The following LIN52 variants were observed in gnomAD, a reference collection of about 807,000 sequenced individuals.
LIN52 encodes the protein protein lin-52 homolog.
In LIN52, 4 loss-of-function variants were observed where a neutral mutation model predicts 18.5. That is an observed-to-expected ratio of 0.22 (90% CI 0.11 to 0.49). LIN52 has a LOEUF of 0.49. Ranked by LOEUF, LIN52 falls within the 20% of genes least tolerant of loss-of-function variation. The pLI is 0.97. For missense variants in LIN52, 102 were observed against 139.5 expected (o/e 0.73, Z 1.35); for synonymous variants, 34 against 45.5 (o/e 0.75, Z 1.02).
intron 5 of LIN52, 119 bp from the exon 6 acceptor site, chr14:74,198,803 T>G (rs545297086): frequency 1.3e-6 from 1 of 749,558 alleles, no homozygotes; most frequent in Non-Finnish European, 2.3e-6. Context: ...ATTGAATCTG[T>G]TGTGATAGCA....
chr14:74,101,279 C>A, intron 5 of LIN52, 41 bp downstream of exon 5: 1 of 1,443,166 alleles, frequency 6.9e-7, no homozygotes, highest in Non-Finnish European at 9.5e-7. Context: ...TGTATTCCAC[C>A]CTGAGCTGTG....
At chr14:74,133,197 T>C (rs751084999) in intron 5 of LIN52, among the ~76,000 whole-genome samples, 5 of 152,250 alleles carry the variant, frequency 3.3e-5, no homozygotes, top group Non-Finnish European at 7.3e-5. Context: ...TGTTCTACAT[T>C]TCTGCTTTGC....
chr14:74,113,715 T>C (rs2060945125), intron 5 of LIN52, among the ~76,000 whole-genome samples: 1 of 152,180 alleles, frequency 6.6e-6, no homozygotes. Context: ...GTGTGTGTTG[T>C]AGATGGTTTG....
chr14:74,180,247 A>G (rs1247691042), intron 5 of LIN52, among the ~76,000 whole-genome samples: 1 of 148,994 alleles, frequency 6.7e-6, no homozygotes, highest in Non-Finnish European at 1.5e-5. Flanking sequence ...TAAGCGCTCA[A>G]AGGAGGGAGG....
intron 5 of LIN52, among the ~76,000 whole-genome samples, chr14:74,170,906 G>C (rs767989338): frequency 4.6e-5 from 7 of 151,288 alleles, no homozygotes; most frequent in African/African-American, 1.7e-4. Context: ...ATGATCCCAG[G>C]CATGGTGGTT....
At chr14:74,183,635 T>C (rs79519546) in intron 5 of LIN52, among the ~76,000 whole-genome samples, 1,568 of 152,296 alleles carry the variant, frequency 0.01, 32 homozygotes, top group African/African-American at 0.036. Flanking sequence ...GTACAGAGAA[T>C]GTTACAATGA....
At chr14:74,130,839 G>A (rs1371732112) in intron 5 of LIN52, among the ~76,000 whole-genome samples, 1 of 151,998 alleles carries the variant, frequency 6.6e-6, no homozygotes, top group East Asian at 1.9e-4. Context: ...ACCCGCCTTG[G>A]CCTCCCAAAG....
intron 5 of LIN52, among the ~76,000 whole-genome samples, chr14:74,175,458 C>T (rs919486851): frequency 5.3e-5 from 8 of 150,540 alleles, no homozygotes; most frequent in African/African-American, 2.0e-4. Flanking sequence ...GGCTATGTAG[C>T]GAGGCCCCAG....
chr14:74,162,020 G>T (rs915293532), intron 5 of LIN52, among the ~76,000 whole-genome samples: 3 of 152,136 alleles, frequency 2.0e-5, no homozygotes, highest in African/African-American at 7.2e-5. Flanking sequence ...GTTAGGAAGC[G>T]AGAGACAGTA....
At chr14:74,174,945 G>T (rs1240499620) in intron 5 of LIN52, among the ~76,000 whole-genome samples, 2 of 151,484 alleles carry the variant, frequency 1.3e-5, no homozygotes, top group African/African-American at 2.4e-5. Context: ...GTTAACGGAG[G>T]TCGAGGCTGC....
chr14:74,160,246 C>G (rs186389594), intron 5 of LIN52, among the ~76,000 whole-genome samples: 4 of 152,178 alleles, frequency 2.6e-5, no homozygotes, highest in Admixed American at 6.5e-5. Context: ...ATGCCATCTA[C>G]AAGCCAAAGA....
At chr14:74,151,906 G>C (rs1255168247) in intron 5 of LIN52, among the ~76,000 whole-genome samples, 1 of 151,842 alleles carries the variant, frequency 6.6e-6, no homozygotes, top group East Asian at 1.9e-4. Context: ...AGTAACTGCT[G>C]TGCCTTCCCC....
At chr14:74,098,980 T>TA (rs1175092097) in intron 4 of LIN52, among the ~76,000 whole-genome samples, 1 of 152,256 alleles carries the variant, frequency 6.6e-6, no homozygotes, top group Non-Finnish European at 1.5e-5. Context: ...TTTATTTTTT[T>TA]ATCCCATCAA....
intron 5 of LIN52, among the ~76,000 whole-genome samples, chr14:74,105,162 A>G (rs1595154074): frequency 6.6e-6 from 1 of 152,332 alleles, no homozygotes; most frequent in East Asian, 1.9e-4. Context: ...GGAATCAAAA[A>G]CTTGGTGTGG....
At chr14:74,130,278 G>GTGTTTTTTTTTTTTTTTTTTTTTTTT (rs1566856480) in intron 5 of LIN52, among the ~76,000 whole-genome samples, 2 of 64,840 alleles carry the variant, frequency 3.1e-5, no homozygotes, top group Non-Finnish European at 5.6e-5. Context: ...GCATTTTTTG[G>GTGTTTTTTTTTTTTTTTTTTTTTTTT]TTTTTTTTTT....
chr14:74,194,140 CCCTGGCAGAG>C (rs2078896548), intron 5 of LIN52, among the ~76,000 whole-genome samples: 1 of 152,168 alleles, frequency 6.6e-6, no homozygotes, highest in African/African-American at 2.4e-5. Context: ...AGGTGCAGAG[CCCTGGCAGAG>C]AGGGCTGGTC....
chr14:74,123,930 T>G (rs375627188), intron 5 of LIN52, among the ~76,000 whole-genome samples: 1 of 152,216 alleles, frequency 6.6e-6, no homozygotes, highest in East Asian at 1.9e-4. Flanking sequence ...GAGTTTCATT[T>G]TCCTTTTCTG....
intron 5 of LIN52, among the ~76,000 whole-genome samples, chr14:74,121,468 T>TA (rs1260990821): frequency 1.3e-5 from 2 of 152,254 alleles, no homozygotes; most frequent in African/African-American, 4.8e-5. Context: ...AATTCTAAGA[T>TA]ACTTTAATGC....
intron 2 of LIN52, 126 bp from the exon 3 acceptor site, chr14:74,095,821 AT>A (rs2060807833): frequency 3.3e-6 from 2 of 597,362 alleles, no homozygotes; most frequent in African/African-American, 1.9e-5. Context: ...TGTTATAGTT[AT>A]TGGTTTATTC....
Sources: allele counts gnomAD v4.1 joint callset (sites outside exome capture counted in the v4.1 genomes callset), GRCh38; gene constraint gnomAD v4.1.1; transcripts MANE v1.5; gene names NCBI Gene and HGNC (gene_info 2026-07-23, HGNC 2026-07-21).